Variants in CADM2 observed in about 807,000 individuals in gnomAD.
CADM2 encodes the protein immunoglobulin superfamily member 4D.
In CADM2, 12 loss-of-function variants were observed where a neutral mutation model predicts 49.8. The ratio of observed to expected loss-of-function variants is 0.24; its 90% CI spans 0.15 to 0.39. The LOEUF is 0.39. Ranked by LOEUF, CADM2 falls within the 10% of genes least tolerant of loss-of-function variation. The pLI is 1.00. For missense variants in CADM2, 378 were observed against 492.3 expected, an observed-to-expected ratio of 0.77 and a Z score of 2.20; for synonymous variants, 214 against 175.4, an observed-to-expected ratio of 1.22 and a Z score of -1.74.
intron 1 of CADM2, among the ~76,000 whole-genome samples, chr3:85,639,141 C>CTTG (rs2064621224): frequency 6.6e-6 from 1 of 152,030 alleles, no homozygotes; most frequent in African/African-American, 2.4e-5. Context: ...AATTTATTAA[C>CTTG]TTGTTGAAAA....
At chr3:85,769,267 A>ATATATACATATATAGTATATATACACG (rs1559643973) in intron 2 of CADM2, among the ~76,000 whole-genome samples, 531 of 44,538 alleles carry the variant, frequency 0.012, 49 homozygotes, top group African/African-American at 0.054. Flanking sequence ...ATATATACAC[A>ATATATACATATATAGTATATATACACG]TATATACATA....
intron 1 of CADM2, among the ~76,000 whole-genome samples, chr3:85,616,539 G>A (rs2063804385): frequency 6.6e-6 from 1 of 151,952 alleles, no homozygotes; most frequent in Non-Finnish European, 1.5e-5. Flanking sequence ...TTAGGTAATT[G>A]ATATTATTCT....
chr3:85,567,526 C>T (rs28673454), intron 1 of CADM2, among the ~76,000 whole-genome samples: 16,677 of 151,986 alleles, frequency 0.11, 2,480 homozygotes, highest in African/African-American at 0.34. Flanking sequence ...AGAGAAGAAA[C>T]ATTCTTGTTT....
intron 6 of CADM2, among the ~76,000 whole-genome samples, chr3:85,924,592 A>AAAATAAATAAATAAATAAAT (rs56769723): frequency 2.9e-4 from 42 of 146,292 alleles, no homozygotes; most frequent in African/African-American, 5.6e-4. Flanking sequence ...ACAACATCTA[A>AAAATAAATAAATAAATAAAT]AAATAAATAA....
chr3:85,825,848 C>A lies in CADM2; in HGVS notation c.238+23652C>A, dbSNP rs185622208. Among the ~76,000 whole-genome samples, 139 of 152,038 alleles carry A rather than the reference C, an allele frequency of 9.1e-4. 1 individual carries two copies. Among genetic ancestry groups the A allele is most frequent in the African/African-American group, 3.2e-3 (132 of 41,480 alleles). ...TGAATTCTGAGATTTTAGTACCTGT[C>A]ATCTGAGCTGTGTGTATAAATGTTT... On this transcript the variant is annotated intron_variant, in intron 3 of 9. Coordinates refer to ENST00000383699, the MANE Select transcript of CADM2 (RefSeq NM_001167675.2).
At chr3:85,723,778 T>A (rs542080096) in intron 1 of CADM2, among the ~76,000 whole-genome samples, 2 of 152,224 alleles carry the variant, frequency 1.3e-5, no homozygotes, top group Non-Finnish European at 2.9e-5. Flanking sequence ...AATGATTTCT[T>A]ATAAAAGATT....
chr3:85,502,613 A>T (rs191880447), intron 1 of CADM2, among the ~76,000 whole-genome samples: 1 of 152,304 alleles, frequency 6.6e-6, no homozygotes, highest in Non-Finnish European at 1.5e-5. Context: ...GAGTGACAGC[A>T]GATTTTTAAG....
At chr3:85,363,621 T>A (rs2032520127) in intron 1 of CADM2, among the ~76,000 whole-genome samples, 1 of 152,226 alleles carries the variant, frequency 6.6e-6, no homozygotes, top group Non-Finnish European at 1.5e-5. Context: ...TTTTATTTAT[T>A]TTATTTTTGA....
At chr3:85,918,411 T>A (rs1378244656) in intron 6 of CADM2, among the ~76,000 whole-genome samples, 1 of 152,196 alleles carries the variant, frequency 6.6e-6, no homozygotes, top group Non-Finnish European at 1.5e-5. Context: ...ATTGAGATAA[T>A]CATGTGGTTT....
chr3:85,968,963 T>C (rs1188406620), intron 8 of CADM2, among the ~76,000 whole-genome samples: 1 of 151,592 alleles, frequency 6.6e-6, no homozygotes, highest in South Asian at 2.1e-4. Flanking sequence ...ATTCTAAAAT[T>C]TTTCCTTGAT....
chr3:85,049,881 AT>A (rs1432574203), intron 1 of CADM2, among the ~76,000 whole-genome samples: 16 of 151,896 alleles, frequency 1.1e-4, no homozygotes, highest in African/African-American at 2.4e-5. Flanking sequence ...TTAATATCAC[AT>A]TTTTTTCCCT....
At chr3:85,481,778 T>C (rs1454450775) in intron 1 of CADM2, among the ~76,000 whole-genome samples, 1 of 151,704 alleles carries the variant, frequency 6.6e-6, no homozygotes, top group Non-Finnish European at 1.5e-5. Flanking sequence ...AGTGAAACTT[T>C]CTTTTTTCAG....
chr3:85,353,184 A>AC (rs1344989211), intron 1 of CADM2, among the ~76,000 whole-genome samples: 1 of 152,078 alleles, frequency 6.6e-6, no homozygotes, highest in East Asian at 1.9e-4. Context: ...CATTGACTAG[A>AC]ATTCCAAAGC....
chr3:84,969,597 T>A, intron 1 of CADM2, among the ~76,000 whole-genome samples: 1 of 152,018 alleles, frequency 6.6e-6, no homozygotes, highest in East Asian at 1.9e-4. Flanking sequence ...ATCTAGATAA[T>A]ATTTAAGTAT....
chr3:85,442,260 C>G (rs1343631445), intron 1 of CADM2, among the ~76,000 whole-genome samples: 2 of 151,914 alleles, frequency 1.3e-5, no homozygotes, highest in Non-Finnish European at 2.9e-5. Context: ...AATATCTTTT[C>G]TTTTTCTTCT....
At chr3:85,356,958 G>A (rs2031912590) in intron 1 of CADM2, among the ~76,000 whole-genome samples, 1 of 152,052 alleles carries the variant, frequency 6.6e-6, no homozygotes, top group Non-Finnish European at 1.5e-5. Context: ...ACTCACTGCT[G>A]GGATATAGAA....
intron 5 of CADM2, among the ~76,000 whole-genome samples, chr3:85,890,775 A>G (rs1714325352): frequency 6.6e-6 from 1 of 151,612 alleles, no homozygotes; most frequent in Non-Finnish European, 1.5e-5. Context: ...TGAGATTCCT[A>G]TTTTCTTTCA....
chr3:84,966,534 A>C (rs1048231191), intron 1 of CADM2, among the ~76,000 whole-genome samples: 41 of 152,170 alleles, frequency 2.7e-4, no homozygotes, highest in African/African-American at 8.7e-4. Flanking sequence ...TCCACAAAAA[A>C]ACACACACAC....
At position 86,068,243 on chromosome 3, in the gene CADM2, G is replaced by A. The variant is rs1275594766; in HGVS notation, c.*1460G>A. 1.3e-5 allele frequency: 2 copies of A among 152,308 alleles called. No individual in the cohort carries two copies. The highest frequency in any genetic ancestry group is 1.5e-5 in the Non-Finnish European group (1 of 67,858). 9.4% of individuals were successfully genotyped at this position (152,308 alleles called of 1,614,324 possible). On this transcript the variant is annotated 3_prime_UTR_variant, in exon 10 of 10. Transcript: ENST00000383699. ...CTGGATTATTTTAAAATTTTGGCGT[G>A]TTTAACCATTAAGAAATGCTGTATT...
Sources: gnomAD v4.1 joint callset for allele counts (sites outside exome capture counted in the v4.1 genomes callset) on GRCh38, gnomAD v4.1.1 for gene constraint, MANE v1.5 for transcripts, NCBI Gene and HGNC (gene_info 2026-07-23, HGNC 2026-07-21) for gene names.